The following SNCAIP variants were observed in gnomAD, a reference collection of about 807,000 sequenced individuals.
The protein encoded by SNCAIP is synuclein alpha interacting protein, also known as synphilin-1.
A neutral mutation model predicts 86.7 loss-of-function variants in SNCAIP; 43 were observed. The ratio of observed to expected loss-of-function variants is 0.50; its 90% CI spans 0.39 to 0.64. The LOEUF is 0.64. SNCAIP is among the 30% of genes least tolerant of loss of function. The pLI is 0.00. For synonymous variants in SNCAIP, 417 were observed against 427.2 expected (o/e 0.98, Z 0.29); for missense variants, 981 against 1,103.1 (o/e 0.89, Z 1.57).
chr5:122,450,654 G>T lies in SNCAIP; in HGVS notation c.1807G>T (p.Ala603Ser), dbSNP rs1389917085. 1 of 1,614,092 alleles carries T rather than the reference G, an allele frequency of 6.2e-7. No individual in the cohort carries two copies. ...GATTCAGGTTCTTGGAAGCCTGTCAGCCTCCAGCCGGGCTAGACCCAAAGC... is the reference window on the plus strand; with the variant it reads ...GATTCAGGTTCTTGGAAGCCTGTCATCCTCCAGCCGGGCTAGACCCAAAGC... ...EGIQVLGSLS[A>S]SSRARPKAKD... Residue 603 changes from alanine (A) to serine (S), a missense_variant, in exon 10 of 11, where the codon GCC (alanine) becomes TCC (serine). Physicochemically the swap from Ala to Ser is moderately conservative, Grantham distance 99. Coordinates refer to ENST00000261368, the MANE Select transcript of SNCAIP (RefSeq NM_005460.4).
chr5:122,374,311 T>C (rs1450206639), intron 1 of SNCAIP, among the ~76,000 whole-genome samples: 1 of 152,180 alleles, frequency 6.6e-6, no homozygotes, highest in African/African-American at 2.4e-5. Context: ...CTTGGCAGCA[T>C]GCAGCTTTAT....
chr5:122,450,673 C>T lies in SNCAIP; in HGVS notation c.1826C>T (p.Pro609Leu), dbSNP rs1334994007. 1.2e-6 allele frequency: 2 copies of T among 1,614,078 alleles called. No individual in the cohort carries two copies. Among genetic ancestry groups the T allele is most frequent in the Non-Finnish European group, 1.7e-6 (2 of 1,179,994 alleles). ...GSLSASSRAR[P>L]KAKDEDSDKI... Reference sequence around the variant, plus strand: ...CTGTCAGCCTCCAGCCGGGCTAGACCCAAAGCAAAAGATGAAGATTCTGAT... The same window carrying T: ...CTGTCAGCCTCCAGCCGGGCTAGACTCAAAGCAAAAGATGAAGATTCTGAT... The change falls in exon 10 of 11, where the codon CCC (proline) becomes CTC (leucine). Residue 609 changes from proline to leucine, a missense_variant. Transcript: ENST00000261368.
chr5:122,453,475 T>G (rs892871791), intron 10 of SNCAIP, among the ~76,000 whole-genome samples: 1 of 152,210 alleles, frequency 6.6e-6, no homozygotes, highest in African/African-American at 2.4e-5. Context: ...ATTCTGAAAT[T>G]TCTCTGTGTT....
At chr5:122,463,075 C>T (rs1244806139) in intron 10 of SNCAIP, among the ~76,000 whole-genome samples, 1 of 152,198 alleles carries the variant, frequency 6.6e-6, no homozygotes, top group Non-Finnish European at 1.5e-5. Context: ...CTTCTTTAAA[C>T]TTTTAAGGCT....
At chr5:122,439,874 C>A (rs772953791) in intron 6 of SNCAIP, among the ~76,000 whole-genome samples, 2 of 152,180 alleles carry the variant, frequency 1.3e-5, no homozygotes, top group African/African-American at 4.8e-5. Flanking sequence ...GAAAATACCA[C>A]AAAACACTCA....
chr5:122,360,864 A>G (rs1416890687), intron 1 of SNCAIP, among the ~76,000 whole-genome samples: 1 of 152,138 alleles, frequency 6.6e-6, no homozygotes, highest in Non-Finnish European at 1.5e-5. Flanking sequence ...GTATAATTAT[A>G]TATACCAGAG....
chr5:122,458,374 C>A (rs1453136792), intron 10 of SNCAIP, among the ~76,000 whole-genome samples: 1 of 152,078 alleles, frequency 6.6e-6, no homozygotes, highest in East Asian at 1.9e-4. Context: ...TCCTTATTCC[C>A]CAGAGATCCA....
At chr5:122,349,316 G>A (rs779011675) in intron 1 of SNCAIP, among the ~76,000 whole-genome samples, 1 of 152,166 alleles carries the variant, frequency 6.6e-6, no homozygotes, top group East Asian at 1.9e-4. Flanking sequence ...TCCCAGGGCT[G>A]TAGAGAGGTA....
intron 10 of SNCAIP, among the ~76,000 whole-genome samples, chr5:122,459,990 A>C (rs1443297245): frequency 6.6e-6 from 1 of 152,174 alleles, no homozygotes; most frequent in Non-Finnish European, 1.5e-5. Flanking sequence ...ATCTACTGGC[A>C]TTCTACTATA....
intron 5 of SNCAIP, among the ~76,000 whole-genome samples, chr5:122,427,167 AT>A (rs947791782): frequency 2.0e-5 from 3 of 152,052 alleles, no homozygotes; most frequent in East Asian, 1.9e-4. Flanking sequence ...GAAGAAAATA[AT>A]TTTTTTTAAT....
intron 1 of SNCAIP, among the ~76,000 whole-genome samples, chr5:122,360,188 A>C (rs1457784003): frequency 1.3e-5 from 2 of 152,196 alleles, no homozygotes; most frequent in African/African-American, 4.8e-5. Context: ...AAGTATTCCT[A>C]AACGTTTCGG....
At chr5:122,414,333 C>T (rs749672505) in intron 3 of SNCAIP, among the ~76,000 whole-genome samples, 5 of 151,480 alleles carry the variant, frequency 3.3e-5, no homozygotes, top group African/African-American at 1.2e-4. Flanking sequence ...CAAGTTCAAG[C>T]GATTCTCCTG....
At chr5:122,312,897 G>C (rs1750913016) in intron 1 of SNCAIP, 1 of 152,228 alleles carries the variant, frequency 6.6e-6, no homozygotes, top group South Asian at 2.1e-4. Flanking sequence ...CTTGTCTCTT[G>C]GCGATGACTT....
At chr5:122,390,701 C>T (rs1769161314) in intron 1 of SNCAIP, among the ~76,000 whole-genome samples, 1 of 152,166 alleles carries the variant, frequency 6.6e-6, no homozygotes, top group African/African-American at 2.4e-5. Flanking sequence ...TTGAAAATGG[C>T]TTTCCTAAGA....
intron 1 of SNCAIP, among the ~76,000 whole-genome samples, chr5:122,351,545 A>AAAAAAAAAAAAAAAG (rs1759820710): frequency 7.4e-6 from 1 of 135,598 alleles, no homozygotes; most frequent in African/African-American, 2.9e-5. Flanking sequence ...TCAAAAAAAA[A>AAAAAAAAAAAAAAAG]AAAAAAAAAA....
chr5:122,374,274 C>T (rs1313682984), intron 1 of SNCAIP, among the ~76,000 whole-genome samples: 2 of 152,136 alleles, frequency 1.3e-5, no homozygotes, highest in Non-Finnish European at 2.9e-5. Context: ...GGATTTCTCA[C>T]TTTATCTTAG....
intron 1 of SNCAIP, chr5:122,389,332 G>A (rs961280248): frequency 2.0e-5 from 3 of 152,136 alleles, no homozygotes; most frequent in African/African-American, 7.2e-5. Context: ...TCATCTGTGT[G>A]TTGTTCACCA....
chr5:122,459,368 A>G (rs552198488), intron 10 of SNCAIP, among the ~76,000 whole-genome samples: 3 of 152,258 alleles, frequency 2.0e-5, no homozygotes, highest in Admixed American at 6.5e-5. Context: ...CACTTGAAAA[A>G]CTGTTATTTA....
intron 3 of SNCAIP, among the ~76,000 whole-genome samples, chr5:122,416,232 A>G (rs963204832): frequency 2.0e-5 from 3 of 152,340 alleles, no homozygotes; most frequent in Non-Finnish European, 4.4e-5. Flanking sequence ...ATAATAAAAC[A>G]TGAATCGGAC....
Sources: allele counts gnomAD v4.1 joint callset (sites outside exome capture counted in the v4.1 genomes callset), GRCh38; gene constraint gnomAD v4.1.1; transcripts MANE v1.5; gene names NCBI Gene and HGNC (gene_info 2026-07-23, HGNC 2026-07-21).